MAML1: variants seen among roughly 807,000 people sequenced by gnomAD.
MAML1 encodes mastermind-like protein 1.
A neutral mutation model predicts 77.1 loss-of-function variants in MAML1; 14 were observed. The observed-to-expected ratio is 0.18, with a 90% confidence interval of 0.12 to 0.28. The LOEUF (loss-of-function observed/expected upper bound fraction) is 0.28. MAML1 is among the 10% of genes least tolerant of loss of function. The pLI is 1.00. For missense variants in MAML1, 1,217 were observed against 1,327.8 expected (o/e 0.92, Z 1.30); for synonymous variants, 516 against 551.9 (o/e 0.93, Z 0.91).
At chr5:179,743,216 C>T (rs1779315313) in intron 1 of MAML1, among the ~76,000 whole-genome samples, 1 of 151,572 alleles carries the variant, frequency 6.6e-6, no homozygotes, top group South Asian at 2.1e-4. Flanking sequence ...CCATGCCAGG[C>T]TAATTTTGTA....
rs1351079259 is a variant in MAML1, at chr5:179,752,342, A to ATATATATATATATATATATATAT, written c.316-12984_316-12983insTATATATATATATATATATATAT. 6.9e-5 allele frequency among the ~76,000 whole-genome samples: 6 copies of ATATATATATATATATATATATAT among 86,582 alleles called. 1 individual carries two copies. Among genetic ancestry groups the ATATATATATATATATATATATAT allele is most frequent in the Non-Finnish European group, 9.1e-5 (4 of 44,026 alleles). 56.8% of individuals were successfully genotyped at this position (86,582 alleles called of 152,430 possible). ...TCTGTCTCCAAAAAAAAAAAAAAAA[A>ATATATATATATATATATATATAT]AAAAAAAAATATATATATATATATG... On this transcript the variant is annotated intron_variant, in intron 1 of 4. Coordinates refer to ENST00000292599, the MANE Select transcript of MAML1 (RefSeq NM_014757.5).
chr5:179,760,943 AAGTT>A (rs1562566276), intron 1 of MAML1, among the ~76,000 whole-genome samples: 1 of 151,876 alleles, frequency 6.6e-6, no homozygotes, highest in South Asian at 2.1e-4. Flanking sequence ...TACAAAAACA[AAGTT>A]AGCCGGGCGT....
chr5:179,733,051 C>A lies in MAML1; in HGVS notation c.-62C>A. On this transcript the variant is annotated 5_prime_UTR_variant, in exon 1 of 5. Coordinates refer to ENST00000292599, the MANE Select transcript of MAML1 (RefSeq NM_014757.5). Reference sequence around the variant, plus strand: ...GAGGGGTAGCCGCGGGGAGCGAAGCCCGCAGTGCCAGCCGGCCCCGAGAGG... The same window carrying A: ...GAGGGGTAGCCGCGGGGAGCGAAGCACGCAGTGCCAGCCGGCCCCGAGAGG... The A allele has an allele frequency of 1.9e-6, 2 of 1,067,812 alleles. No individual in the cohort carries two copies. Among genetic ancestry groups the A allele is most frequent in the South Asian group, 3.4e-5 (1 of 29,234 alleles). The allele number at this position is 1,067,812 out of a possible 1,614,324, so 66.1% of individuals were successfully genotyped here.
At chr5:179,760,915 C>A (rs1030849840) in intron 1 of MAML1, among the ~76,000 whole-genome samples, 1 of 151,722 alleles carries the variant, frequency 6.6e-6, no homozygotes, top group African/African-American at 2.4e-5. Flanking sequence ...CACAGTGAAA[C>A]CCCGTCTCTA....
chr5:179,739,586 A>G (rs1356852291), intron 1 of MAML1, among the ~76,000 whole-genome samples: 1 of 152,138 alleles, frequency 6.6e-6, no homozygotes, highest in African/African-American at 2.4e-5. Context: ...CGGGAGACCG[A>G]AGTAGGAGGA....
At chr5:179,773,023 T>TG (rs1756037420) in intron 4 of MAML1, among the ~76,000 whole-genome samples, 1 of 152,216 alleles carries the variant, frequency 6.6e-6, no homozygotes, top group African/African-American at 2.4e-5. Context: ...CCCGAGTAGC[T>TG]GGGGGCGCGC....
intron 1 of MAML1, among the ~76,000 whole-genome samples, chr5:179,753,683 A>G (rs1349752169): frequency 4.7e-5 from 4 of 85,610 alleles, no homozygotes; most frequent in African/African-American, 7.4e-5. Context: ...TTTTTGAGGC[A>G]GAGTTTCGCC....
In MAML1 at chr5:179,769,203, T is replaced by A. The variant is rs1755913842; in HGVS notation, c.1971+114T>A. 1 of 1,444,814 alleles carries A rather than the reference T, an allele frequency of 6.9e-7. No individual in the cohort carries two copies. The highest frequency in any genetic ancestry group is 9.4e-7 in the Non-Finnish European group (1 of 1,060,530). The allele number at this position is 1,444,814 out of a possible 1,614,324, so 89.5% of individuals were successfully genotyped here. A position where few individuals can be genotyped will look rare whatever the true frequency, so the allele number is the denominator to read the frequency against. On this transcript the variant is annotated intron_variant, in intron 3 of 4. Coordinates refer to ENST00000292599, the MANE Select transcript of MAML1 (RefSeq NM_014757.5). This position sits in a 1 kb window ranked among gnomAD's most constrained non-coding sequence, Gnocchi z 4.2. ...GTGGATTTGCGCAGACTTGCGTGCC[T>A]GTTGTTAGAGTGCTTTGCCTTTTAA...
At chr5:179,762,745 G>A (rs1461897733) in intron 1 of MAML1, among the ~76,000 whole-genome samples, 1 of 152,162 alleles carries the variant, frequency 6.6e-6, no homozygotes. Context: ...CAGGCTCCAA[G>A]GCTCACTCAT....
intron 1 of MAML1, among the ~76,000 whole-genome samples, chr5:179,754,771 A>G (rs572445076): frequency 1.3e-5 from 2 of 152,272 alleles, no homozygotes; most frequent in Admixed American, 6.5e-5. Context: ...TGCATTTCCA[A>G]TAGATTCCCA....
rs577827405 is a variant in MAML1 at position 179,744,648 on chromosome 5, C to G, written c.315+11221C>G. ...GCCTCCCGGGTTCAAGCAGTTCTGCCTCAGCCTCCCGAGTAGCTACCATGC... is the reference window on the plus strand; with the variant it reads ...GCCTCCCGGGTTCAAGCAGTTCTGCGTCAGCCTCCCGAGTAGCTACCATGC... On this transcript the variant is annotated intron_variant, in intron 1 of 4. Transcript: ENST00000292599. 2.6e-5 allele frequency among the ~76,000 whole-genome samples: 4 copies of G among 151,686 alleles called. No individual in the cohort carries two copies. The South Asian group carries it at 8.3e-4, about 32-fold the overall frequency.
chr5:179,765,511 T>G lies in MAML1; in HGVS notation c.501T>G (p.Pro167=). Residue 167 remains proline (P), a synonymous_variant, in exon 2 of 5, where the codon CCT becomes CCG. Coordinates refer to ENST00000292599, the MANE Select transcript of MAML1 (RefSeq NM_014757.5). ...PASPLGQSDK[P]SGADALQSSG... is the part of the protein sequence containing the mutation. ...CCCCCCTCGGTCAGTCTGACAAGCCTTCTGGAGCCGACGCCCTGCAGTCCA... is the reference window on the plus strand; with the variant it reads ...CCCCCCTCGGTCAGTCTGACAAGCCGTCTGGAGCCGACGCCCTGCAGTCCA... 1 of 1,614,108 alleles carries G rather than the reference T, an allele frequency of 6.2e-7. No homozygotes were observed. Among genetic ancestry groups the G allele is most frequent in the Non-Finnish European group, 8.5e-7 (1 of 1,179,998 alleles).
At chr5:179,763,794 G>T (rs772284516) in intron 1 of MAML1, among the ~76,000 whole-genome samples, 1 of 151,836 alleles carries the variant, frequency 6.6e-6, no homozygotes, top group Non-Finnish European at 1.5e-5. Context: ...TAGCACAGGG[G>T]GCTCCCCGTC....
At chr5:179,745,400 C>A (rs1156827393) in intron 1 of MAML1, among the ~76,000 whole-genome samples, 2 of 152,012 alleles carry the variant, frequency 1.3e-5, no homozygotes, top group Non-Finnish European at 2.9e-5. Flanking sequence ...GAAATTCTTG[C>A]TCACATAAAT....
intron 1 of MAML1, among the ~76,000 whole-genome samples, chr5:179,737,389 CA>C (rs1434125313): frequency 7.2e-5 from 11 of 152,104 alleles, no homozygotes; most frequent in Non-Finnish European, 1.2e-4. Flanking sequence ...TCCTTCAATT[CA>C]GGGGGGAAGA....
At chr5:179,744,823 T>G (rs539694892) in intron 1 of MAML1, among the ~76,000 whole-genome samples, 1 of 152,316 alleles carries the variant, frequency 6.6e-6, no homozygotes, top group African/African-American at 2.4e-5. Flanking sequence ...GTAGCATTTA[T>G]AAGATTCTGG....
intron 4 of MAML1, 40 bp from the exon 5 acceptor site, chr5:179,773,855 T>C (rs754878456): frequency 2.5e-6 from 4 of 1,573,480 alleles, no homozygotes; most frequent in South Asian, 2.4e-5. Context: ...GACCCAGTGG[T>C]GGTCGACTCC....
chr5:179,771,981 C>T lies in MAML1; in HGVS notation c.2068+738C>T, dbSNP rs907717441. On this transcript the variant is annotated intron_variant, in intron 4 of 4. Coordinates refer to ENST00000292599, the MANE Select transcript of MAML1 (RefSeq NM_014757.5). This position sits in a 1 kb window ranked among gnomAD's most constrained non-coding sequence, Gnocchi z 4.7. The stretch of plus-strand genomic sequence containing the variant: ...TTATGTATGTGCTACCTGGGGTCAA[C>T]GTGGGGTTGAAATCTGCAGGCATTT... Among the ~76,000 whole-genome samples, 1 of 152,138 alleles carries T rather than the reference C, an allele frequency of 6.6e-6. No homozygotes were observed. The highest frequency in any genetic ancestry group is 1.5e-5 in the Non-Finnish European group (1 of 68,028).
At chr5:179,738,719 T>C (rs920510876) in intron 1 of MAML1, among the ~76,000 whole-genome samples, 1 of 152,200 alleles carries the variant, frequency 6.6e-6, no homozygotes, top group Non-Finnish European at 1.5e-5. Flanking sequence ...TTCTACCTCT[T>C]CTATTACTCT....
Sources: gnomAD v4.1 joint callset for allele counts (sites outside exome capture counted in the v4.1 genomes callset) on GRCh38, gnomAD v4.1.1 for gene constraint, Gnocchi (gnomAD v3.1) non-coding constraint, MANE v1.5 for transcripts, NCBI Gene and HGNC (gene_info 2026-07-23, HGNC 2026-07-21) for gene names.